The following METTL25 variants were observed in gnomAD, a reference collection of about 807,000 sequenced individuals.
The protein encoded by METTL25 is methyltransferase like 25.
In METTL25, 64 loss-of-function variants were observed where a neutral mutation model predicts 71.6. That is an observed-to-expected ratio of 0.89 (90% confidence interval 0.73 to 1.10). The LOEUF (loss-of-function observed/expected upper bound fraction) is 1.10, where lower values mean the gene tolerates loss of function less well. METTL25 is among the 50% of genes least tolerant of loss of function. METTL25 has a pLI of 0.00. For synonymous variants in METTL25, 287 were observed against 250.3 expected, an observed-to-expected ratio of 1.15 and a Z score of -1.38; for missense variants, 807 against 707.0, an observed-to-expected ratio of 1.14 and a Z score of -1.60.
At chr12:82,436,778 G>A (rs1889946859) in intron 7 of METTL25, among the ~76,000 whole-genome samples, 1 of 151,264 alleles carries the variant, frequency 6.6e-6, no homozygotes, top group South Asian at 2.1e-4. Context: ...TTGTTCAAAG[G>A]CATGAGAAAG....
chr12:82,372,551 A>T (rs1364577316), intron 1 of METTL25, among the ~76,000 whole-genome samples: 1 of 152,208 alleles, frequency 6.6e-6, no homozygotes, highest in Non-Finnish European at 1.5e-5. Context: ...CTTTTACAGA[A>T]AAGGTCAAGC....
At position 82,476,516 on chromosome 12, in the gene METTL25, G is replaced by A. The variant is rs954636487; in HGVS notation, c.1573-128G>A. On this transcript the variant is annotated intron_variant, in intron 9 of 11. Transcript: ENST00000248306. ...TTGACTTGCTTCATGAATATCCTTA[G>A]AGCGAGTTCTTCAGACACCTAAGGT... 9.2e-6 allele frequency: 6 copies of A among 655,162 alleles called. No homozygotes were observed. The Admixed American group carries it at 1.8e-4, about 20-fold the overall frequency. The allele number at this position is 655,162 out of a possible 1,614,324, so 40.6% of individuals were successfully genotyped here.
At chr12:82,474,101 G>A (rs1892737945) in intron 9 of METTL25, among the ~76,000 whole-genome samples, 1 of 152,170 alleles carries the variant, frequency 6.6e-6, no homozygotes, top group South Asian at 2.1e-4. Flanking sequence ...AGGGTTCCTG[G>A]AAGCCCTCCA....
intron 4 of METTL25, among the ~76,000 whole-genome samples, chr12:82,402,657 CGTT>C (rs1886736596): frequency 6.6e-6 from 1 of 151,932 alleles, no homozygotes; most frequent in South Asian, 2.1e-4. Flanking sequence ...TTTTAATGGA[CGTT>C]AAAGTTGAAA....
chr12:82,456,519 A>G (rs1032624805), intron 8 of METTL25, among the ~76,000 whole-genome samples: 13 of 151,998 alleles, frequency 8.6e-5, no homozygotes, highest in African/African-American at 2.2e-4. Flanking sequence ...CTTCACTGCT[A>G]TATGTTATAA....
intron 8 of METTL25, among the ~76,000 whole-genome samples, chr12:82,445,109 ATTTT>A (rs1183551871): frequency 1.3e-5 from 2 of 152,134 alleles, no homozygotes; most frequent in East Asian, 3.9e-4. Context: ...TATATGCAGT[ATTTT>A]TTTAATAAGT....
chr12:82,430,957 T>C lies in METTL25; in HGVS notation c.1344T>C (p.Cys448=). The C allele has an allele frequency of 6.2e-7, 1 of 1,600,428 alleles. No homozygotes were observed. Among genetic ancestry groups the C allele is most frequent in the Non-Finnish European group, 8.5e-7 (1 of 1,171,682 alleles). ...CHYLKEERWC[C]GRNARMSACL... is the part of the protein sequence containing the mutation. ...ATTTAAAGGAAGAGAGATGGTGCTG[T>C]GGTCGTAATGCCAGAATGTCAGCAT... The change falls in exon 6 of 12, where the codon TGT becomes TGC. Residue 448 remains cysteine, a synonymous_variant. Transcript: ENST00000248306.
At chr12:82,391,049 C>T (rs535993122) in intron 3 of METTL25, among the ~76,000 whole-genome samples, 38 of 152,120 alleles carry the variant, frequency 2.5e-4, no homozygotes, top group Admixed American at 1.1e-3. Context: ...CCACTGGAGA[C>T]GACAGAGCCC....
intron 5 of METTL25, among the ~76,000 whole-genome samples, chr12:82,418,794 G>C (rs913863228): frequency 6.6e-6 from 1 of 152,028 alleles, no homozygotes; most frequent in Non-Finnish European, 1.5e-5. Flanking sequence ...TTGTGAAAAA[G>C]AAAAGAAAAT....
intron 5 of METTL25, among the ~76,000 whole-genome samples, chr12:82,428,028 C>G (rs887313367): frequency 6.6e-6 from 1 of 151,952 alleles, no homozygotes; most frequent in Admixed American, 6.6e-5. Flanking sequence ...GCTCTACTCT[C>G]TACTGCTCTT....
Position 82,461,938 on chromosome 12 carries a change from C to G in METTL25, c.1572+5118C>G, listed in dbSNP as rs532459463. Among the ~76,000 whole-genome samples the G allele has an allele frequency of 2.0e-5, 3 of 152,316 alleles. No individual in the cohort carries two copies. The South Asian group carries it at 6.2e-4, about 32-fold the overall frequency. On this transcript the variant is annotated intron_variant, in intron 9 of 11. Coordinates refer to ENST00000248306, the MANE Select transcript of METTL25 (RefSeq NM_032230.3). ...GATTTCTTATATATTGTCTCCCACT[C>G]TAGTTTCTCTTTAGGACTGCATATC...
At chr12:82,456,609 A>G (rs991647124) in intron 8 of METTL25, 118 bp from the exon 9 acceptor site, 2 of 546,742 alleles carry the variant, frequency 3.7e-6, no homozygotes, top group African/African-American at 3.9e-5. Context: ...TATTTTGATC[A>G]CATTTGGATC....
At chr12:82,390,382 T>C (rs1198177708) in intron 3 of METTL25, among the ~76,000 whole-genome samples, 1 of 152,128 alleles carries the variant, frequency 6.6e-6, no homozygotes, top group Non-Finnish European at 1.5e-5. Context: ...TAGTGTTTGA[T>C]TCACAATGCA....
intron 1 of METTL25, among the ~76,000 whole-genome samples, chr12:82,384,683 CT>C (rs1448285334): frequency 6.6e-6 from 1 of 151,546 alleles, no homozygotes; most frequent in Non-Finnish European, 1.5e-5. Flanking sequence ...TTGCTGAGAC[CT>C]GTACTTAAAG....
At chr12:82,362,002 A>G (rs1351746097) in intron 1 of METTL25, among the ~76,000 whole-genome samples, 1 of 152,204 alleles carries the variant, frequency 6.6e-6, no homozygotes, top group Non-Finnish European at 1.5e-5. Context: ...GTGAGGAGTT[A>G]CAAGTAAACA....
intron 9 of METTL25, among the ~76,000 whole-genome samples, chr12:82,475,247 T>C (rs1250298670): frequency 6.6e-6 from 1 of 152,160 alleles, no homozygotes; most frequent in Non-Finnish European, 1.5e-5. Context: ...TTTTGTGAGT[T>C]GAGAGTTTCT....
intron 1 of METTL25, among the ~76,000 whole-genome samples, chr12:82,362,003 C>G (rs928635316): frequency 1.3e-5 from 2 of 152,182 alleles, no homozygotes; most frequent in African/African-American, 4.8e-5. Flanking sequence ...TGAGGAGTTA[C>G]AAGTAAACAT....
At chr12:82,474,599 T>A (rs1482073785) in intron 9 of METTL25, 1 of 152,188 alleles carries the variant, frequency 6.6e-6, no homozygotes, top group Non-Finnish European at 1.5e-5. Context: ...AACAAGGACA[T>A]TTTTAGTTTG....
chr12:82,448,799 G>A (rs995183204), intron 8 of METTL25, among the ~76,000 whole-genome samples: 16 of 89,520 alleles, frequency 1.8e-4, no homozygotes, highest in African/African-American at 4.8e-4. Context: ...TTAAATGATA[G>A]CTATTTACAG....
Sources: allele counts gnomAD v4.1 joint callset (sites outside exome capture counted in the v4.1 genomes callset), GRCh38; gene constraint gnomAD v4.1.1; transcripts MANE v1.5; gene names NCBI Gene and HGNC (gene_info 2026-07-23, HGNC 2026-07-21).